Variants in CFAP61 observed in about 807,000 individuals in gnomAD.
CFAP61 encodes the protein cilia- and flagella-associated protein 61.
A neutral mutation model predicts 135.6 loss-of-function variants in CFAP61; 107 were observed. The observed-to-expected ratio is 0.79, with a 90% confidence interval of 0.67 to 0.93. CFAP61 has a LOEUF of 0.93. Ranked by LOEUF, CFAP61 falls within the 40% of genes least tolerant of loss-of-function variation. The pLI is 0.00. For synonymous variants in CFAP61, 575 were observed against 578.5 expected, an observed-to-expected ratio of 0.99 and a Z score of 0.09; for missense variants, 1,507 against 1,556.2, an observed-to-expected ratio of 0.97 and a Z score of 0.53.
intron 13 of CFAP61, among the ~76,000 whole-genome samples, chr20:20,187,349 G>A (rs111407902): frequency 1.2e-4 from 18 of 152,238 alleles, no homozygotes; most frequent in African/African-American, 3.9e-4. Context: ...GGAGCAGGTA[G>A]GAGAAAACCA....
At chr20:20,334,516 T>C (rs2058106879) in intron 25 of CFAP61, among the ~76,000 whole-genome samples, 1 of 152,182 alleles carries the variant, frequency 6.6e-6, no homozygotes, top group African/African-American at 2.4e-5. Flanking sequence ...TTACAAGCCA[T>C]TCAGAAAATA....
intron 22 of CFAP61, among the ~76,000 whole-genome samples, 183 bp downstream of exon 22, chr20:20,277,641 A>G (rs111862655): frequency 1.3e-5 from 2 of 152,370 alleles, no homozygotes; most frequent in Admixed American, 6.5e-5. Flanking sequence ...GCATAAAGCA[A>G]CAACAACCGT....
intron 18 of CFAP61, among the ~76,000 whole-genome samples, chr20:20,245,492 A>G (rs1259615942): frequency 1.3e-5 from 2 of 152,198 alleles, no homozygotes; most frequent in African/African-American, 4.8e-5. Context: ...TGAGAACAGC[A>G]TAGGAAAGAC....
intron 9 of CFAP61, among the ~76,000 whole-genome samples, chr20:20,150,759 C>T (rs541051529): frequency 6.6e-6 from 1 of 152,256 alleles, no homozygotes; most frequent in African/African-American, 2.4e-5. Context: ...CAGCAATAAC[C>T]CAGAGCCTGG....
chr20:20,224,170 A>G (rs1470543287), intron 17 of CFAP61, among the ~76,000 whole-genome samples: 1 of 152,324 alleles, frequency 6.6e-6, no homozygotes, highest in South Asian at 2.1e-4. Context: ...AATGGATAAA[A>G]GCAACCACAA....
chr20:20,260,366 T>C (rs576033247), intron 20 of CFAP61, among the ~76,000 whole-genome samples: 1 of 152,362 alleles, frequency 6.6e-6, no homozygotes, highest in East Asian at 1.9e-4. Flanking sequence ...CAGTAAATGA[T>C]GAACTGATCA....
At chr20:20,254,179 C>T (rs1284621811) in intron 20 of CFAP61, among the ~76,000 whole-genome samples, 9 of 88,976 alleles carry the variant, frequency 1.0e-4, no homozygotes, top group African/African-American at 3.7e-4. Flanking sequence ...CCCTCCCCTC[C>T]CCTCCTCTCC....
chr20:20,269,674 T>C (rs2053189785), intron 21 of CFAP61, among the ~76,000 whole-genome samples: 1 of 152,204 alleles, frequency 6.6e-6, no homozygotes, highest in Non-Finnish European at 1.5e-5. Context: ...TCCTGGCCTG[T>C]TTTTTAATGA....
intron 1 of CFAP61, among the ~76,000 whole-genome samples, chr20:20,055,366 G>T (rs750110266): frequency 5.9e-5 from 9 of 152,162 alleles, no homozygotes; most frequent in Non-Finnish European, 1.2e-4. Context: ...TTTCTACCTA[G>T]AGCTTTGTGT....
rs531916528 is a variant in CFAP61, at chr20:20,333,402, C to T, written c.3423-8429C>T. Among the ~76,000 whole-genome samples, 133 of 152,240 alleles carry T rather than the reference C, an allele frequency of 8.7e-4. 2 individuals are homozygous for T. In the South Asian group the frequency reaches 0.013, roughly 15 times the overall value. On this transcript the variant is annotated intron_variant, in intron 25 of 26. Transcript: ENST00000245957. ...CCAGATTACATAAGCTGACAAGTGG[C>T]AGAGCTGGGGTAAAAAGAAAAAGGA...
At chr20:20,341,488 C>A (rs907296229) in intron 25 of CFAP61, among the ~76,000 whole-genome samples, 14 of 152,196 alleles carry the variant, frequency 9.2e-5, no homozygotes, top group African/African-American at 3.4e-4. Flanking sequence ...ATTTATGCAG[C>A]AGTTAATCTT....
intron 2 of CFAP61, among the ~76,000 whole-genome samples, chr20:20,066,022 A>C (rs943419783): frequency 6.6e-6 from 1 of 152,222 alleles, no homozygotes; most frequent in Non-Finnish European, 1.5e-5. Context: ...AAAAGTGGGC[A>C]AACAGACACT....
At chr20:20,200,828 A>T in intron 17 of CFAP61, 1 of 985,424 alleles carries the variant, frequency 1.0e-6, no homozygotes, top group Non-Finnish European at 1.2e-6. Flanking sequence ...AGCCTGTCTT[A>T]CTTGTGCGTG....
intron 20 of CFAP61, among the ~76,000 whole-genome samples, chr20:20,262,424 C>T (rs1474209779): frequency 1.3e-5 from 2 of 152,210 alleles, no homozygotes; most frequent in African/African-American, 2.4e-5. Flanking sequence ...TGGCCAACAA[C>T]CCCAGCTCAG....
intron 6 of CFAP61, among the ~76,000 whole-genome samples, chr20:20,086,295 T>C (rs1300336459): frequency 9.4e-5 from 14 of 148,924 alleles, no homozygotes; most frequent in Admixed American, 9.3e-4. Flanking sequence ...TAGGTATATC[T>C]CCTAATGCTA....
chr20:20,142,206 GC>G (rs2051458430), intron 8 of CFAP61, among the ~76,000 whole-genome samples: 1 of 152,184 alleles, frequency 6.6e-6, no homozygotes, highest in African/African-American at 2.4e-5. Flanking sequence ...TGAAGCCTAA[GC>G]TACCCTGATT....
At position 20,263,042 on chromosome 20, in the gene CFAP61, A is replaced by G. The variant is rs1354588291; in HGVS notation, c.2415A>G (p.Lys805=). ...GCAGTCAGCGGCGGTACACGGGGAA[A>G]GTTCCTTGCAACCATTTCACTCTCA... ...PNSSQRRYTG[K]VPCNHFTLNE... Residue 805 remains lysine, a synonymous_variant, in exon 21 of 27, where the codon AAA becomes AAG. Transcript: ENST00000245957. The G allele has an allele frequency of 6.2e-7, 1 of 1,614,000 alleles. No individual in the cohort carries two copies. Among genetic ancestry groups the G allele is most frequent in the African/African-American group, 1.3e-5 (1 of 74,908 alleles).
chr20:20,194,886 T>G (rs1295497294), intron 15 of CFAP61, among the ~76,000 whole-genome samples: 2 of 152,156 alleles, frequency 1.3e-5, no homozygotes, highest in African/African-American at 2.4e-5. Flanking sequence ...AAAAATAATT[T>G]TTGTTGTTGT....
At chr20:20,264,709 C>T (rs1312703915) in intron 21 of CFAP61, among the ~76,000 whole-genome samples, 1 of 152,066 alleles carries the variant, frequency 6.6e-6, no homozygotes, top group Non-Finnish European at 1.5e-5. Flanking sequence ...CTGGGAAACA[C>T]GGGAAAACCC....
Sources: allele counts gnomAD v4.1 joint callset (sites outside exome capture counted in the v4.1 genomes callset), GRCh38; gene constraint gnomAD v4.1.1; transcripts MANE v1.5; gene names NCBI Gene and HGNC (gene_info 2026-07-23, HGNC 2026-07-21).